The following CCDC102B variants were observed in gnomAD, a reference collection of about 807,000 sequenced individuals.
CCDC102B encodes the protein coiled-coil domain containing 102B.
A neutral mutation model predicts 57.4 loss-of-function variants in CCDC102B; 75 were observed. The observed-to-expected ratio is 1.31, with a 90% CI of 1.08 to 1.58. CCDC102B has a LOEUF of 1.58. Among genes scored for constraint, CCDC102B ranks in the 40% most tolerant of loss-of-function variants. The pLI is 0.00. For missense variants in CCDC102B, 636 were observed against 582.6 expected (o/e 1.09, Z -0.94); for synonymous variants, 206 against 201.9 (o/e 1.02, Z -0.17).
At chr18:68,959,029 G>T (rs149652499) in intron 6 of CCDC102B, among the ~76,000 whole-genome samples, 1 of 152,236 alleles carries the variant, frequency 6.6e-6, no homozygotes, top group East Asian at 1.9e-4. Flanking sequence ...GTTTAGTGAG[G>T]TCATGTTTTC....
At chr18:68,824,469 T>A (rs1008096817) in intron 1 of CCDC102B, among the ~76,000 whole-genome samples, 2 of 152,240 alleles carry the variant, frequency 1.3e-5, no homozygotes, top group African/African-American at 4.8e-5. Flanking sequence ...ATAGTTTGAC[T>A]TCTTTTTCAG....
At chr18:69,031,013 G>T (rs1466973762) in intron 7 of CCDC102B, among the ~76,000 whole-genome samples, 1 of 152,082 alleles carries the variant, frequency 6.6e-6, no homozygotes, top group Admixed American at 6.6e-5. Flanking sequence ...TTAAGGTTTT[G>T]TTTCTTTTAC....
Position 68,857,209 on chromosome 18 carries a change from TA to T in CCDC102B, c.936+10793del, listed in dbSNP as rs539679496. 3.9e-4 allele frequency among the ~76,000 whole-genome samples: 20 copies of T among 51,566 alleles called. 3 individuals are homozygous for T. Among genetic ancestry groups the T allele is most frequent in the Admixed American group, 9.3e-4 (3 of 3,216 alleles). The allele number at this position is 51,566 out of a possible 152,430, so 33.8% of individuals were successfully genotyped here. The stretch of plus-strand genomic sequence containing the variant: ...TATTTATATATTTTTATATAATATA[TA>T]AAAATATATTTATATATTTTTATAT... On this transcript the variant is annotated intron_variant, in intron 4 of 7. Transcript: ENST00000360242.
At chr18:68,881,801 C>G (rs2039702991) in intron 5 of CCDC102B, among the ~76,000 whole-genome samples, 1 of 151,918 alleles carries the variant, frequency 6.6e-6, no homozygotes, top group African/African-American at 2.4e-5. Context: ...CTCTCTGTCT[C>G]TCTCTGTCAT....
At chr18:68,939,361 A>G (rs2049321937) in intron 6 of CCDC102B, among the ~76,000 whole-genome samples, 1 of 151,730 alleles carries the variant, frequency 6.6e-6, no homozygotes, top group Non-Finnish European at 1.5e-5. Flanking sequence ...ATTAAATATC[A>G]TTTATGTTTG....
At chr18:68,802,093 A>G (rs1290342944) in intron 1 of CCDC102B, among the ~76,000 whole-genome samples, 2 of 152,190 alleles carry the variant, frequency 1.3e-5, no homozygotes, top group South Asian at 2.1e-4. Context: ...TGGAAGTGCC[A>G]TAATCCATTG....
intron 7 of CCDC102B, among the ~76,000 whole-genome samples, chr18:69,014,591 A>ATG (rs1412766568): frequency 6.6e-6 from 1 of 150,602 alleles, no homozygotes; most frequent in African/African-American, 2.4e-5. Context: ...TTGGGCAAGC[A>ATG]TGTGTGTGTG....
chr18:68,974,197 G>A (rs1451988247), intron 6 of CCDC102B, among the ~76,000 whole-genome samples: 3 of 152,000 alleles, frequency 2.0e-5, no homozygotes, highest in Non-Finnish European at 4.4e-5. Context: ...TGAGAGTTCT[G>A]TGCTCGTGAA....
chr18:68,841,916 T>C (rs1014278556), intron 3 of CCDC102B, among the ~76,000 whole-genome samples: 3 of 151,914 alleles, frequency 2.0e-5, no homozygotes, highest in Admixed American at 6.6e-5. Flanking sequence ...TTTTTTTATT[T>C]TTAGTAGAGA....
downstream of CCDC102B, among the ~76,000 whole-genome samples, chr18:69,056,424 C>T (rs868616954): frequency 2.0e-5 from 3 of 151,912 alleles, no homozygotes; most frequent in African/African-American, 4.8e-5. Flanking sequence ...TGGAGTCACT[C>T]GAGGTTGCAT....
intron 6 of CCDC102B, among the ~76,000 whole-genome samples, chr18:68,999,477 A>G (rs2051141728): frequency 6.6e-6 from 1 of 150,994 alleles, no homozygotes; most frequent in South Asian, 2.1e-4. Context: ...ATGGTGGTGC[A>G]TGCCTGTAAT....
intron 2 of CCDC102B, among the ~76,000 whole-genome samples, chr18:68,758,503 C>G (rs1167457673): frequency 1.3e-5 from 2 of 151,848 alleles, no homozygotes; most frequent in African/African-American, 4.8e-5. Context: ...CTCTAGTGCA[C>G]CATTATCAGT....
At chr18:68,786,220 T>G (rs576328973) in intron 2 of CCDC102B, among the ~76,000 whole-genome samples, 63 of 152,230 alleles carry the variant, frequency 4.1e-4, no homozygotes, top group African/African-American at 1.5e-3. Context: ...CATGCTGTTT[T>G]GGTTACTGTA....
At chr18:68,862,864 C>T (rs1438545318) in intron 4 of CCDC102B, among the ~76,000 whole-genome samples, 4 of 152,024 alleles carry the variant, frequency 2.6e-5, no homozygotes, top group Admixed American at 1.3e-4. Flanking sequence ...ACGTTTCCAT[C>T]AGCCATAATT....
At chr18:68,810,686 T>G (rs1160253555) in intron 1 of CCDC102B, among the ~76,000 whole-genome samples, 1 of 97,234 alleles carries the variant, frequency 1.0e-5, no homozygotes, top group South Asian at 4.9e-4. Context: ...CTTTGTTTTT[T>G]TTTTTTTTTT....
chr18:68,905,585 GCCCTGTCTA>G (rs1423620665), intron 6 of CCDC102B, among the ~76,000 whole-genome samples: 1 of 2,540 alleles, frequency 3.9e-4, no homozygotes, highest in African/African-American at 2.0e-3. Context: ...TTATGGGACC[GCCCTGTCTA>G]GCCCTGTCTA....
intron 6 of CCDC102B, among the ~76,000 whole-genome samples, chr18:68,956,360 A>AGTAATATATATT: frequency 1.3e-5 from 1 of 74,942 alleles, no homozygotes; most frequent in Admixed American, 2.2e-4. Flanking sequence ...TAATATATAT[A>AGTAATATATATT]ATATATATAT....
chr18:68,868,618 A>G (rs2039105338), intron 4 of CCDC102B, among the ~76,000 whole-genome samples: 1 of 152,200 alleles, frequency 6.6e-6, no homozygotes. Context: ...CTCACCTTTC[A>G]TAAGAATATA....
intron 2 of CCDC102B, among the ~76,000 whole-genome samples, chr18:68,752,454 A>G (rs1275721592): frequency 6.8e-6 from 1 of 147,312 alleles, no homozygotes; most frequent in Non-Finnish European, 1.5e-5. Context: ...ATAAATAAAG[A>G]AAAAAGAAAA....
Sources: gnomAD v4.1 joint callset for allele counts (sites outside exome capture counted in the v4.1 genomes callset) on GRCh38, gnomAD v4.1.1 for gene constraint, MANE v1.5 for transcripts, NCBI Gene and HGNC (gene_info 2026-07-23, HGNC 2026-07-21) for gene names.